MARCHF9: variants seen among roughly 807,000 people sequenced by gnomAD.
MARCHF9 encodes E3 ubiquitin-protein ligase MARCHF9.
In MARCHF9, 17 loss-of-function variants were observed where a neutral mutation model predicts 35.2. That is an observed-to-expected ratio of 0.48 (90% CI 0.33 to 0.72). The LOEUF (loss-of-function observed/expected upper bound fraction) is 0.72, where lower values mean the gene tolerates loss of function less well. Ranked by LOEUF, MARCHF9 falls within the 30% of genes least tolerant of loss-of-function variation. The pLI is 0.02. For synonymous variants in MARCHF9, 183 were observed against 207.4 expected, an observed-to-expected ratio of 0.88 and a Z score of 1.01; for missense variants, 386 against 478.2, an observed-to-expected ratio of 0.81 and a Z score of 1.80.
rs1955275751 is a variant in MARCHF9 at position 57,755,221 on chromosome 12, C to A, written c.-308C>A. 1 of 175,432 alleles carries A rather than the reference C, an allele frequency of 5.7e-6. No homozygotes were observed. Among genetic ancestry groups the A allele is most frequent in the Admixed American group, 6.3e-5 (1 of 15,860 alleles). 10.9% of individuals were successfully genotyped at this position (175,432 alleles called of 1,614,324 possible). A position where few individuals can be genotyped will look rare whatever the true frequency, so the allele number is the denominator to read the frequency against. On this transcript the variant is annotated 5_prime_UTR_variant, in exon 1 of 4. Coordinates refer to ENST00000266643, the MANE Select transcript of MARCHF9 (RefSeq NM_138396.6). Reference sequence around the variant, plus strand: ...CGGCCCCGCCGCAGGAGGACCCGGGCGCGTAACCCCGGGGGCCCGGCCCGC... The same window carrying A: ...CGGCCCCGCCGCAGGAGGACCCGGGAGCGTAACCCCGGGGGCCCGGCCCGC...
rs1955304979 is a variant in MARCHF9, at chr12:57,759,135, G to T, written c.*238G>T. ...CCTCCCACTCATCCAGAGACGGCCG[G>T]TGGGCAGGCGGGGAGAGCAGCTTTC... is the stretch of plus-strand genomic sequence containing the variant. On this transcript the variant is annotated 3_prime_UTR_variant, in exon 4 of 4. Transcript: ENST00000266643. 1 of 484,736 alleles carries T rather than the reference G, an allele frequency of 2.1e-6. No homozygotes were observed. The highest frequency in any genetic ancestry group is 3.6e-5 in the Admixed American group (1 of 27,596). The allele number at this position is 484,736 out of a possible 1,614,324, so 30.0% of individuals were successfully genotyped here.
At chr12:57,755,981 G>A (rs1955284568) in intron 1 of MARCHF9, 96 bp downstream of exon 1, 1 of 905,778 alleles carries the variant, frequency 1.1e-6, no homozygotes, top group Non-Finnish European at 1.5e-6. Flanking sequence ...AAGGAGGCTG[G>A]GCGGGCCCCA....
At position 57,758,111 on chromosome 12, in the gene MARCHF9, CA is replaced by C; in HGVS notation, c.518del (p.Gln173ArgfsTer5). 6.2e-7 allele frequency: 1 copy of C among 1,614,194 alleles called. No homozygotes were observed. The highest frequency in any genetic ancestry group is 8.5e-7 in the Non-Finnish European group (1 of 1,180,038). Reference protein sequence around the residue: ...AISTKNPLQWQAISLTVIEKV... With the variant: ...AISTKNPLQWXAISLTVIEKV... ...TGGAGCCCTTTCTCCCACACAGTGGCAGGCCATCTCCCTGACGGTCATCGAG... is the reference window on the plus strand; with the variant it reads ...TGGAGCCCTTTCTCCCACACAGTGGCGGCCATCTCCCTGACGGTCATCGAG... On this transcript the variant is annotated frameshift_variant, in exon 3 of 4. Coordinates refer to ENST00000266643, the MANE Select transcript of MARCHF9 (RefSeq NM_138396.6). LOFTEE classifies it high-confidence loss of function. The surrounding 1 kb of genome is among the most constrained non-coding windows in gnomAD (Gnocchi z 5.4).
Position 57,758,796 on chromosome 12 carries a change from G to A in MARCHF9, c.940G>A (p.Gly314Ser), listed in dbSNP as rs376742893. Residue 314 changes from glycine to serine, a missense_variant, in exon 4 of 4, where the codon GGT becomes AGT. By Grantham distance (56) the Gly-to-Ser change is moderately conservative (BLOSUM62 0). Around this residue, in one of 3 missense-constraint regions of MARCHF9, gnomAD observed 111 missense variants for 112.4 expected, o/e 0.99. Coordinates refer to ENST00000266643, the MANE Select transcript of MARCHF9 (RefSeq NM_138396.6). This position sits in a 1 kb window ranked among gnomAD's most constrained non-coding sequence, Gnocchi z 5.4. The part of the protein sequence containing the change: ...RMRTLLPQRC[G>S]YTILHLLGQL... ...GCGGACGCTCTTGCCTCAGCGCTGC[G>A]GTTATACAATCTTGCACCTCCTTGG... 2.7e-5 allele frequency: 43 copies of A among 1,613,362 alleles called. No homozygotes were observed. Among genetic ancestry groups the A allele is most frequent in the South Asian group, 4.4e-5 (4 of 91,058 alleles).
rs776373293 is a variant in MARCHF9, at chr12:57,758,320, C to T, written c.706+20C>T. On this transcript the variant is annotated intron_variant, in intron 3 of 3. Coordinates refer to ENST00000266643, the MANE Select transcript of MARCHF9 (RefSeq NM_138396.6). The surrounding 1 kb of genome is among the most constrained non-coding windows in gnomAD (Gnocchi z 5.4). Reference sequence around the variant, plus strand: ...GCATAGGTGAGGGCACCTCTCTCTCCTTTACCTGCTCTGTATCTTCCTCTT... The same window carrying T: ...GCATAGGTGAGGGCACCTCTCTCTCTTTTACCTGCTCTGTATCTTCCTCTT... The T allele has an allele frequency of 1.3e-6, 2 of 1,597,034 alleles. No individual in the cohort carries two copies. The highest frequency in any genetic ancestry group is 2.2e-5 in the South Asian group (2 of 90,038).
chr12:57,757,183 A>C, intron 2 of MARCHF9, 99 bp downstream of exon 2: 1 of 1,314,654 alleles, frequency 7.6e-7, no homozygotes, highest in South Asian at 1.7e-5. Flanking sequence ...TCTTTTCCCA[A>C]AGCCACCCTT....
chr12:57,756,005 G>T, intron 1 of MARCHF9, 120 bp downstream of exon 1: 2 of 672,100 alleles, frequency 3.0e-6, no homozygotes, highest in Non-Finnish European at 2.1e-6. Flanking sequence ...CACGGAGTGG[G>T]AATGGGGTGA....
intron 1 of MARCHF9, 78 bp downstream of exon 1, chr12:57,755,963 C>T (rs982603574): frequency 3.4e-6 from 4 of 1,160,624 alleles, no homozygotes; most frequent in Non-Finnish European, 4.5e-6. Flanking sequence ...CGAGCAGGCG[C>T]GGCGCCTAAG....
chr12:57,755,910 C>T, intron 1 of MARCHF9, 25 bp downstream of exon 1: 3 of 1,439,202 alleles, frequency 2.1e-6, no homozygotes, highest in East Asian at 2.9e-5. Flanking sequence ...CCTGGCCGGG[C>T]GCGGAGGGTG....
At chr12:57,756,788 T>G in intron 1 of MARCHF9, 141 bp from the exon 2 acceptor site, 1 of 813,538 alleles carries the variant, frequency 1.2e-6, no homozygotes, top group Non-Finnish European at 1.7e-6. Flanking sequence ...TTACTTAGCC[T>G]CTTGCCCTGT....
rs1689582 is a variant in MARCHF9, at chr12:57,755,663, C to T, written c.135C>T (p.Gly45=). 0.99 allele frequency: 1,280,820 copies of T among 1,300,048 alleles called. 632,145 individuals carry two copies. Among genetic ancestry groups the T allele is most frequent in the East Asian group, 1 (31,793 of 31,838 alleles). The allele number at this position is 1,300,048 out of a possible 1,614,324, so 80.5% of individuals were successfully genotyped here. ...GCTGCGGCTGGGCGCCCTTCGCTGG[C>T]TGCTCCACCCGGGACGGCGACGGCG... ...GGGCGWAPFA[G]CSTRDGDGDE... Residue 45 remains glycine, a synonymous_variant, in exon 1 of 4, where the codon GGC becomes GGT. Coordinates refer to ENST00000266643, the MANE Select transcript of MARCHF9 (RefSeq NM_138396.6).
rs1955304015 is a variant in MARCHF9 at position 57,758,974 on chromosome 12, C to G, written c.*77C>G. On this transcript the variant is annotated 3_prime_UTR_variant, in exon 4 of 4. Transcript: ENST00000266643. The surrounding 1 kb of genome is among the most constrained non-coding windows in gnomAD (Gnocchi z 5.4). ...CTCTCATGGCTGCTGGAGGTACCAG[C>G]TGGACAAGGTGTTTGGGGCATGCTG... 2.2e-6 allele frequency: 3 copies of G among 1,370,612 alleles called. No homozygotes were observed. Among genetic ancestry groups the G allele is most frequent in the Middle Eastern group, 2.0e-4 (1 of 4,888 alleles). The allele number at this position is 1,370,612 out of a possible 1,614,324, so 84.9% of individuals were successfully genotyped here. A position where few individuals can be genotyped will look rare whatever the true frequency, so the allele number is the denominator to read the frequency against.
At position 57,758,502 on chromosome 12, in the gene MARCHF9, A is replaced by C; in HGVS notation, c.707-61A>C. 2 of 1,492,960 alleles carry C rather than the reference A, an allele frequency of 1.3e-6. No homozygotes were observed. Among genetic ancestry groups the C allele is most frequent in the Admixed American group, 4.5e-5 (2 of 44,936 alleles). The allele number at this position is 1,492,960 out of a possible 1,614,324, so 92.5% of individuals were successfully genotyped here. ...CTCACTCTGAAGAAATGCTTGCTTA[A>C]GTACCTCTGGCCTAGATCTAGGCCA... On this transcript the variant is annotated intron_variant, in intron 3 of 3. Transcript: ENST00000266643. This position sits in a 1 kb window ranked among gnomAD's most constrained non-coding sequence, Gnocchi z 5.4.
At position 57,759,011 on chromosome 12, in the gene MARCHF9, G is replaced by A. The variant is rs1955717767; in HGVS notation, c.*114G>A. 7 of 1,065,482 alleles carry A rather than the reference G, an allele frequency of 6.6e-6. No homozygotes were observed. The highest frequency in any genetic ancestry group is 1.6e-5 in the African/African-American group (1 of 62,492). The allele number at this position is 1,065,482 out of a possible 1,614,324, so 66.0% of individuals were successfully genotyped here. A position where few individuals can be genotyped will look rare whatever the true frequency, so the allele number is the denominator to read the frequency against. On this transcript the variant is annotated 3_prime_UTR_variant, in exon 4 of 4. Coordinates refer to ENST00000266643, the MANE Select transcript of MARCHF9 (RefSeq NM_138396.6). ...TTTGGGGCATGCTGCCCCCGTCACC[G>A]AGGATCTGTGTGGGTAGCCTCAAGC...
chr12:57,755,952 G>T, intron 1 of MARCHF9, 67 bp downstream of exon 1: 3 of 1,216,424 alleles, frequency 2.5e-6, no homozygotes, highest in Non-Finnish European at 3.2e-6. Context: ...AGCGGAGACC[G>T]CGAGCAGGCG....
chr12:57,756,168 G>C (rs1955286863), intron 1 of MARCHF9, among the ~76,000 whole-genome samples: 1 of 152,184 alleles, frequency 6.6e-6, no homozygotes, highest in Non-Finnish European at 1.5e-5. Context: ...CCTCGCCCCA[G>C]GGTCTCCGTA....
Position 57,758,941 on chromosome 12 carries a change from GAGA to G in MARCHF9, c.*49_*51del, listed in dbSNP as rs1381146642. On this transcript the variant is annotated 3_prime_UTR_variant, in exon 4 of 4. Transcript: ENST00000266643. The surrounding 1 kb of genome is among the most constrained non-coding windows in gnomAD (Gnocchi z 5.4). ...GGATCTTGAGTCAATGCATCAGTCA[GAGA>G]AGAACTCTCATGGCTGCTGGAGGTA... 3 of 1,501,784 alleles carry G rather than the reference GAGA, an allele frequency of 2.0e-6. No homozygotes were observed. Among genetic ancestry groups the G allele is most frequent in the Non-Finnish European group, 1.8e-6 (2 of 1,115,412 alleles). 93.0% of individuals were successfully genotyped at this position (1,501,784 alleles called of 1,614,324 possible). A position where few individuals can be genotyped will look rare whatever the true frequency, so the allele number is the denominator to read the frequency against.
rs904162730 is a variant in MARCHF9, at chr12:57,758,445, T to G, written c.707-118T>G. ...CTGGTGCCCCCTCAACCCACTTCCC[T>G]GCTTCTCCAGGGCCCTTTGCAACTG... On this transcript the variant is annotated intron_variant, in intron 3 of 3. Transcript: ENST00000266643. This position sits in a 1 kb window ranked among gnomAD's most constrained non-coding sequence, Gnocchi z 5.4. 2 of 1,347,424 alleles carry G rather than the reference T, an allele frequency of 1.5e-6. No homozygotes were observed. The highest frequency in any genetic ancestry group is 1.5e-5 in the African/African-American group (1 of 67,830). 83.5% of individuals were successfully genotyped at this position (1,347,424 alleles called of 1,614,324 possible).
Position 57,758,205 on chromosome 12 carries a change from G to A in MARCHF9, c.611G>A (p.Trp204Ter). The A allele has an allele frequency of 6.2e-7, 1 of 1,614,206 alleles. No homozygotes were observed. Among genetic ancestry groups the A allele is most frequent in the Non-Finnish European group, 8.5e-7 (1 of 1,180,032 alleles). Residue 204 changes from tryptophan (W) to a stop codon, truncating the protein, a stop_gained, in exon 3 of 4, where the codon TGG becomes TAG. Transcript: ENST00000266643. LOFTEE classifies it high-confidence loss of function. This position sits in a 1 kb window ranked among gnomAD's most constrained non-coding sequence, Gnocchi z 5.4. Reference sequence around the variant, plus strand: ...GTTGCCAGCATCTCCTGGCTCATCTGGTCCTCACTCAGCCCTTCAGCCAAG... The same window carrying A: ...GTTGCCAGCATCTCCTGGCTCATCTAGTCCTCACTCAGCCCTTCAGCCAAG... ...FLVASISWLI[W>*]SSLSPSAKWQ...
Sources: allele counts gnomAD v4.1 joint callset (sites outside exome capture counted in the v4.1 genomes callset), GRCh38; gene constraint gnomAD v4.1.1; regional missense constraint gnomAD v4.1.1; non-coding constraint Gnocchi (gnomAD v3.1); transcripts MANE v1.5; gene names NCBI Gene and HGNC (gene_info 2026-07-23, HGNC 2026-07-21).